Variants in ZRSR2 observed in about 807,000 individuals in gnomAD.
ZRSR2 encodes the protein zinc finger CCCH-type, RNA binding motif and serine/arginine rich 2.
ZRSR2 carries 3 observed loss-of-function variants against 39.4 expected under a neutral mutation model. That is an observed-to-expected ratio of 0.08 (90% CI 0.03 to 0.20). The LOEUF (loss-of-function observed/expected upper bound fraction) is 0.20. Ranked by LOEUF, ZRSR2 falls within the 10% of genes least tolerant of loss-of-function variation. The probability of loss-of-function intolerance (pLI) is 1.00; values close to 1 mark genes in which losing one functional copy is unlikely to be tolerated. For missense variants in ZRSR2, 256 were observed against 391.5 expected (o/e 0.65, Z 2.92); for synonymous variants, 137 against 136.0 (o/e 1.01, Z -0.05).
chrX:15,822,318 G>A (rs939026590), intron 10 of ZRSR2, among the ~76,000 whole-genome samples: 3 of 110,088 alleles, frequency 2.7e-5, no homozygotes, highest in Non-Finnish European at 5.7e-5. Context: ...AGTGGTTCTG[G>A]CCTGTTTCCT....
chrX:15,790,900 C>T, intron 1 of ZRSR2, 34 bp from the exon 2 acceptor site: 2 of 1,168,607 alleles, frequency 1.7e-6, no homozygotes, highest in South Asian at 3.6e-5. Context: ...GCATTGTAGC[C>T]GCTGATCGTC....
At chrX:15,814,389 G>A (rs1299124319) in intron 7 of ZRSR2, among the ~76,000 whole-genome samples, 1 of 111,714 alleles carries the variant, frequency 9.0e-6, no homozygotes, top group African/African-American at 3.3e-5. Context: ...AGAGCTTTGG[G>A]AGGCTGAGGC....
intron 2 of ZRSR2, among the ~76,000 whole-genome samples, chrX:15,795,092 C>G (rs1932406937): frequency 1.2e-5 from 1 of 83,937 alleles, no homozygotes; most frequent in African/African-American, 4.4e-5. Flanking sequence ...CACTTTTCCC[C>G]CCCCCCCATA....
intron 8 of ZRSR2, 112 bp from the exon 9 acceptor site, chrX:15,818,475 A>G (rs1933024474): frequency 3.0e-6 from 2 of 657,887 alleles, no homozygotes; most frequent in South Asian, 3.0e-5. Flanking sequence ...CTATTTTGCA[A>G]TCTTTGATTG....
At chrX:15,812,215 C>T (rs1932897672) in intron 7 of ZRSR2, among the ~76,000 whole-genome samples, 1 of 112,515 alleles carries the variant, frequency 8.9e-6, no homozygotes, top group Admixed American at 9.4e-5. Flanking sequence ...AGGCGTGAGC[C>T]ACCGCGCCTG....
At chrX:15,813,155 G>A (rs930533199) in intron 7 of ZRSR2, among the ~76,000 whole-genome samples, 2 of 111,997 alleles carry the variant, frequency 1.8e-5, no homozygotes, top group Admixed American at 9.5e-5. Flanking sequence ...CTATACCCGA[G>A]GGGGCATTTG....
Position 15,804,154 on chromosome X carries a change from GAGA to G in ZRSR2, c.360_362del (p.Glu123del). 1 of 1,198,423 alleles carries G rather than the reference GAGA, an allele frequency of 8.3e-7. No individual in the cohort carries two copies. Among genetic ancestry groups the G allele is most frequent in the Non-Finnish European group, 1.1e-6 (1 of 889,105 alleles). On this transcript the variant is annotated inframe_deletion, in exon 5 of 11. Transcript: ENST00000307771. ...TGGGAAGAACAGCAGAGGAAAGAGAGAGAAGAGGAGGAGCAGAAACGACAGGAG... is the reference window on the plus strand; with the variant it reads ...TGGGAAGAACAGCAGAGGAAAGAGAGAGAGGAGGAGCAGAAACGACAGGAG...
intron 1 of ZRSR2, 23 bp from the exon 2 acceptor site, chrX:15,790,911 G>A (rs1223605086): frequency 8.4e-7 from 1 of 1,193,097 alleles, no homozygotes; most frequent in African/African-American, 1.8e-5. Flanking sequence ...GCTGATCGTC[G>A]TGTATATGTC....
Position 15,792,775 on chromosome X carries a change from C to T in ZRSR2, c.121+1762C>T, listed in dbSNP as rs1932325487. ...GTAGTTATAAATCCAGATGGGAGCA[C>T]TGAAATCACACAGTAGTACTGGCTT... On this transcript the variant is annotated intron_variant, in intron 2 of 10. Transcript: ENST00000307771. Among the ~76,000 whole-genome samples, 3 of 112,588 alleles carry T rather than the reference C, an allele frequency of 2.7e-5. No homozygotes were observed. The South Asian group carries it at 1.1e-3, about 41-fold the overall frequency.
At chrX:15,804,359 CTCT>C (rs1417790537) in intron 5 of ZRSR2, 162 bp downstream of exon 5, 24 of 521,629 alleles carry the variant, frequency 4.6e-5, no homozygotes, top group Middle Eastern at 1.2e-3. Context: ...CCTTCTGATG[CTCT>C]TCTTCGGGTC....
chrX:15,810,374 G>A (rs1167009709), intron 7 of ZRSR2, among the ~76,000 whole-genome samples: 2 of 111,529 alleles, frequency 1.8e-5, no homozygotes, highest in African/African-American at 6.5e-5. Context: ...GGCAAAATCT[G>A]ATAATTATCA....
At chrX:15,815,550 A>T in intron 7 of ZRSR2, 127 bp from the exon 8 acceptor site, 1 of 531,081 alleles carries the variant, frequency 1.9e-6, no homozygotes, top group Non-Finnish European at 3.1e-6. Flanking sequence ...CAGGTGATTC[A>T]CCCGCCTCGG....
intron 5 of ZRSR2, among the ~76,000 whole-genome samples, chrX:15,805,294 C>T (rs902454003): frequency 8.9e-6 from 1 of 111,774 alleles, no homozygotes; most frequent in Non-Finnish European, 1.9e-5. Context: ...TGGAACTTGT[C>T]ATTTTTTTAT....
At position 15,790,504 on chromosome X, in the gene ZRSR2, GCCCGAGAAGATGACGTTT is replaced by G; in HGVS notation, c.18_35del (p.Met7_Lys12del). The G allele has an allele frequency of 2.6e-6, 3 of 1,159,953 alleles. No individual in the cohort carries two copies. Among genetic ancestry groups the G allele is most frequent in the Non-Finnish European group, 3.4e-6 (3 of 870,985 alleles). On this transcript the variant is annotated inframe_deletion, in exon 1 of 11. Coordinates refer to ENST00000307771, the MANE Select transcript of ZRSR2 (RefSeq NM_005089.4). ...GGGGCGGTGCCGGCAAGATGGCTGC[GCCCGAGAAGATGACGTTT>G]CCCGAGAAACCAAGGTAAGCGCCGT...
At chrX:15,797,794 C>G (rs190803053) in intron 2 of ZRSR2, among the ~76,000 whole-genome samples, 1 of 111,257 alleles carries the variant, frequency 9.0e-6, no homozygotes, top group African/African-American at 3.3e-5. Flanking sequence ...TGCATATGTC[C>G]GATTGTACAC....
chrX:15,803,585 A>G (rs1020783919), intron 3 of ZRSR2, 103 bp from the exon 4 acceptor site: 5 of 998,416 alleles, frequency 5.0e-6, no homozygotes, highest in Non-Finnish European at 6.7e-6. Flanking sequence ...AGCTTTCGTG[A>G]TATTTGAATC....
chrX:15,822,658 C>A, intron 10 of ZRSR2, 73 bp from the exon 11 acceptor site: 4 of 1,198,250 alleles, frequency 3.3e-6, no homozygotes, highest in Non-Finnish European at 4.5e-6. Context: ...AGAAATGTAC[C>A]TTCGGAAAAG....
intron 3 of ZRSR2, among the ~76,000 whole-genome samples, chrX:15,802,386 C>G (rs1475571051): frequency 8.9e-6 from 1 of 112,594 alleles, no homozygotes; most frequent in Non-Finnish European, 1.9e-5. Context: ...GTCTGAGACA[C>G]TTGCCACTTT....
intron 7 of ZRSR2, among the ~76,000 whole-genome samples, chrX:15,813,200 A>G (rs1773779041): frequency 8.9e-6 from 1 of 112,174 alleles, no homozygotes; most frequent in African/African-American, 3.2e-5. Context: ...TCCTTGGCCT[A>G]AGGTAATATC....
Sources: gnomAD v4.1 joint callset for allele counts (sites outside exome capture counted in the v4.1 genomes callset) on GRCh38, gnomAD v4.1.1 for gene constraint, MANE v1.5 for transcripts, NCBI Gene and HGNC (gene_info 2026-07-23, HGNC 2026-07-21) for gene names.